The following ANHX variants were observed in gnomAD, a reference collection of about 807,000 sequenced individuals.
ANHX encodes the protein anomalous homeobox protein.
A neutral mutation model predicts 38.9 loss-of-function variants in ANHX; 20 were observed. The ratio of observed to expected loss-of-function variants is 0.51; its 90% CI spans 0.36 to 0.75. ANHX has a LOEUF of 0.75. Ranked by LOEUF, ANHX falls within the 30% of genes least tolerant of loss-of-function variation. The pLI is 0.00. For missense variants in ANHX, 475 were observed against 493.1 expected, an observed-to-expected ratio of 0.96 and a Z score of 0.35; for synonymous variants, 185 against 203.1, an observed-to-expected ratio of 0.91 and a Z score of 0.76.
intron 2 of ANHX, 127 bp downstream of exon 2, chr12:133,233,981 G>C: frequency 8.0e-7 from 1 of 1,243,726 alleles, no homozygotes; most frequent in Non-Finnish European, 1.1e-6. Context: ...CCAAGGCCTG[G>C]GGGTGGGCCT....
intron 7 of ANHX, among the ~76,000 whole-genome samples, chr12:133,223,317 G>A (rs911397269): frequency 2.6e-5 from 4 of 151,932 alleles, no homozygotes; most frequent in African/African-American, 9.7e-5. Flanking sequence ...GACTGGTCCC[G>A]GAGTTCCAAC....
At chr12:133,224,152 C>CTTCA (rs1349265851) in intron 7 of ANHX, among the ~76,000 whole-genome samples, 3 of 152,084 alleles carry the variant, frequency 2.0e-5, no homozygotes, top group Non-Finnish European at 4.4e-5. Flanking sequence ...GGGACAATAG[C>CTTCA]TTCACTCCAG....
chr12:133,224,432 C>T (rs532955528), intron 7 of ANHX, among the ~76,000 whole-genome samples: 29 of 151,628 alleles, frequency 1.9e-4, no homozygotes, highest in Admixed American at 7.2e-4. Context: ...GAGGCTGAGG[C>T]GGGTGGATCC....
chr12:133,228,451 T>A lies in ANHX; in HGVS notation c.378-504A>T, dbSNP rs1026040933. Reference sequence around the variant, plus strand: ...CGCTGGTTTCCAGGCATCAGCCCCATTCTTGCATGAGTCCTCTGAGGCTTG... The same window carrying A: ...CGCTGGTTTCCAGGCATCAGCCCCAATCTTGCATGAGTCCTCTGAGGCTTG... On this transcript the variant is annotated intron_variant, in intron 3 of 9. Transcript: ENST00000545940. 2.6e-5 allele frequency among the ~76,000 whole-genome samples: 4 copies of A among 152,238 alleles called. No individual in the cohort carries two copies. In the East Asian group the frequency reaches 7.7e-4, roughly 29 times the overall value.
chr12:133,222,633 A>T (rs1318593497), intron 7 of ANHX, among the ~76,000 whole-genome samples: 1 of 152,162 alleles, frequency 6.6e-6, no homozygotes, highest in African/African-American at 2.4e-5. Flanking sequence ...AGGACAGCAA[A>T]AAATGGAAGG....
chr12:133,232,702 G>T (rs992665159), intron 2 of ANHX, among the ~76,000 whole-genome samples: 1 of 152,184 alleles, frequency 6.6e-6, no homozygotes, highest in Non-Finnish European at 1.5e-5. Flanking sequence ...TCTGCAGGGG[G>T]TTTTCATCAC....
intron 2 of ANHX, among the ~76,000 whole-genome samples, chr12:133,233,691 G>C (rs148969058): frequency 3.0e-4 from 46 of 152,318 alleles, no homozygotes; most frequent in African/African-American, 1.1e-3. Context: ...GAAGGTACCA[G>C]CAGGTGAGTG....
chr12:133,227,718 C>T (rs1281948444), intron 4 of ANHX, 106 bp downstream of exon 4: 4 of 1,344,774 alleles, frequency 3.0e-6, no homozygotes, highest in African/African-American at 1.5e-5. Context: ...ACCACCAGCA[C>T]CCTGGCGGAT....
chr12:133,220,869 TA>T (rs1957100184), intron 8 of ANHX, among the ~76,000 whole-genome samples: 1 of 152,178 alleles, frequency 6.6e-6, no homozygotes, highest in Non-Finnish European at 1.5e-5. Context: ...ATTCAGAATA[TA>T]AAATCAGGAT....
At chr12:133,227,978 G>A (rs1469602339) in intron 3 of ANHX, 31 bp from the exon 4 acceptor site, 1 of 1,534,408 alleles carries the variant, frequency 6.5e-7, no homozygotes, top group Non-Finnish European at 8.7e-7. Flanking sequence ...GGTGGTAACA[G>A]ACAGGACCCC....
chr12:133,233,953 C>G (rs574024738), intron 2 of ANHX, among the ~76,000 whole-genome samples, 155 bp downstream of exon 2: 222 of 152,326 alleles, frequency 1.5e-3, no homozygotes, highest in African/African-American at 5.0e-3. Flanking sequence ...TTACATAAAA[C>G]CTGCCTCCCA....
At position 133,225,539 on chromosome 12, in the gene ANHX, T is replaced by C. The variant is rs1957178461; in HGVS notation, c.1129A>G (p.Thr377Ala). Reference sequence around the variant, plus strand: ...GGTCTGTCTGAAGTGGACCCACCTGTAGGGCTGGGATCTCCAAGGGTGGCA... The same window carrying C: ...GGTCTGTCTGAAGTGGACCCACCTGCAGGGCTGGGATCTCCAAGGGTGGCA... ...SIATLGDPSPTGFSGPPSGHP... is the reference protein window; with the variant it reads ...SIATLGDPSPAGFSGPPSGHP... The change falls in exon 7 of 10, where the codon ACA becomes GCA. Residue 377 changes from threonine (T) to alanine (A), a missense_variant. By Grantham distance (58) the Thr-to-Ala change is moderately conservative. Coordinates refer to ENST00000545940, the MANE Select transcript of ANHX (RefSeq NM_001372060.1). Among the ~76,000 whole-genome samples, 3 of 152,314 alleles carry C rather than the reference T, an allele frequency of 2.0e-5. No individual in the cohort carries two copies. Among genetic ancestry groups the C allele is most frequent in the Non-Finnish European group, 4.4e-5 (3 of 68,024 alleles).
At chr12:133,228,005 T>C in intron 3 of ANHX, 58 bp from the exon 4 acceptor site, 1 of 1,525,834 alleles carries the variant, frequency 6.6e-7, no homozygotes, top group Non-Finnish European at 8.8e-7. Flanking sequence ...TCTGTTCCCT[T>C]CTCCAGGCCT....
chr12:133,219,385 TAAG>T lies in ANHX; in HGVS notation c.1281-21_1281-19del. 6.7e-7 allele frequency: 1 copy of T among 1,496,424 alleles called. No homozygotes were observed. Among genetic ancestry groups the T allele is most frequent in the Non-Finnish European group, 8.9e-7 (1 of 1,122,638 alleles). The allele number at this position is 1,496,424 out of a possible 1,614,324, so 92.7% of individuals were successfully genotyped here. On this transcript the variant is annotated intron_variant, in intron 8 of 9. Transcript: ENST00000545940. ...CTGGAGGGCTGGAAAAGAGACAGTG[TAAG>T]AATAGGCCCTATCTCAAGGGGACAC... is the stretch of plus-strand genomic sequence containing the variant.
At chr12:133,222,042 T>C (rs1281591224) in intron 7 of ANHX, among the ~76,000 whole-genome samples, 3 of 152,154 alleles carry the variant, frequency 2.0e-5, no homozygotes, top group African/African-American at 7.2e-5. Context: ...TCCTCCTTCC[T>C]GTACAGCAGA....
At chr12:133,229,901 G>C (rs1011510148) in intron 3 of ANHX, among the ~76,000 whole-genome samples, 1 of 152,022 alleles carries the variant, frequency 6.6e-6, no homozygotes, top group Non-Finnish European at 1.5e-5. Context: ...ATCTGCCCCT[G>C]AACACCAAGC....
At chr12:133,226,901 G>T in intron 5 of ANHX, 35 bp downstream of exon 5, 2 of 1,468,118 alleles carry the variant, frequency 1.4e-6, no homozygotes, top group South Asian at 2.7e-5. Context: ...CCAGCTCCCC[G>T]ACCACAAGGA....
At chr12:133,225,416 T>C (rs1957177335) in intron 7 of ANHX, among the ~76,000 whole-genome samples, 120 bp downstream of exon 7, 1 of 152,216 alleles carries the variant, frequency 6.6e-6, no homozygotes, top group Non-Finnish European at 1.5e-5. Context: ...GTTCCAGGTC[T>C]AATCAAATAC....
chr12:133,230,297 A>AT (rs1957251202), intron 3 of ANHX, among the ~76,000 whole-genome samples: 2 of 152,146 alleles, frequency 1.3e-5, no homozygotes, highest in African/African-American at 4.8e-5. Context: ...GGGGGCTACA[A>AT]TCACATCCCC....
Sources: allele counts gnomAD v4.1 joint callset (sites outside exome capture counted in the v4.1 genomes callset), GRCh38; gene constraint gnomAD v4.1.1; transcripts MANE v1.5; gene names NCBI Gene and HGNC (gene_info 2026-07-23, HGNC 2026-07-21).